UGT2A2: variants seen among roughly 807,000 people sequenced by gnomAD.
UGT2A2 encodes UDP glucuronosyltransferase family 2 member A2, also known as UDP-glucuronosyltransferase 2A2.
A neutral mutation model predicts 50.7 loss-of-function variants in UGT2A2; 60 were observed. That is an observed-to-expected ratio of 1.18 (90% CI 0.96 to 1.47). UGT2A2 has a LOEUF of 1.47. UGT2A2 is among the 40% of genes most tolerant of loss of function. UGT2A2 has a pLI of 0.00. For synonymous variants in UGT2A2, 242 were observed against 214.6 expected (o/e 1.13, Z -1.11); for missense variants, 762 against 634.0 (o/e 1.20, Z -2.17).
At chr4:69,618,514 T>G (rs1391509918) in intron 1 of UGT2A2, among the ~76,000 whole-genome samples, 3 of 151,928 alleles carry the variant, frequency 2.0e-5, no homozygotes, top group African/African-American at 7.2e-5. Flanking sequence ...AAAATAAATT[T>G]ATTTTAACCA....
rs71599913 is a variant in UGT2A2, at chr4:69,595,617, A to G, written c.1024-368T>C. ...ATACATAAATATAAAGAGTCCTAGG[A>G]TGTGTCATGAATAGAAGTATAAAAA... On this transcript the variant is annotated intron_variant, in intron 3 of 5. Coordinates refer to ENST00000604629, the MANE Select transcript of UGT2A2 (RefSeq NM_001105677.2). Among the ~76,000 whole-genome samples the G allele has an allele frequency of 6.6e-3, 1,009 of 152,272 alleles. 7 individuals carry two copies. Among genetic ancestry groups the G allele is most frequent in the Non-Finnish European group, 7.8e-3 (532 of 67,992 alleles).
At chr4:69,619,058 AATTT>A (rs932873724) in intron 1 of UGT2A2, among the ~76,000 whole-genome samples, 22 of 151,888 alleles carry the variant, frequency 1.4e-4, no homozygotes, top group African/African-American at 4.8e-4. Flanking sequence ...TAAATGTAGG[AATTT>A]ATTTATATCA....
rs1249036235 is a variant in UGT2A2 at position 69,594,512 on chromosome 4, C to A, written c.1296G>T (p.Leu432Phe). 1 of 1,614,124 alleles carries A rather than the reference C, an allele frequency of 6.2e-7. No individual in the cohort carries two copies. Among genetic ancestry groups the A allele is most frequent in the Non-Finnish European group, 8.5e-7 (1 of 1,180,014 alleles). The change falls in exon 5 of 6, where the codon TTG becomes TTT. Residue 432 changes from leucine to phenylalanine, a missense_variant. Coordinates refer to ENST00000604629, the MANE Select transcript of UGT2A2 (RefSeq NM_001105677.2). ...TAATGACTGTTCTCAAAGCGCTAAG[C>A]AAATCCACACTTGTCATTGTGTTTA... ...VNLNTMTSVD[L>F]LSALRTVINE...
At chr4:69,606,154 C>T (rs1448871526) in intron 1 of UGT2A2, among the ~76,000 whole-genome samples, 1 of 136,370 alleles carries the variant, frequency 7.3e-6, no homozygotes, top group Non-Finnish European at 1.6e-5. Context: ...CCCTGATGAA[C>T]ATCGAGGCAA....
intron 1 of UGT2A2, among the ~76,000 whole-genome samples, chr4:69,617,411 A>G (rs1720465455): frequency 6.6e-6 from 1 of 151,936 alleles, no homozygotes; most frequent in Admixed American, 6.6e-5. Context: ...ATACAAAGAT[A>G]TAATATATAT....
intron 1 of UGT2A2, among the ~76,000 whole-genome samples, chr4:69,602,899 C>G (rs1390712111): frequency 7.4e-6 from 1 of 134,336 alleles, no homozygotes; most frequent in Non-Finnish European, 1.6e-5. Flanking sequence ...AACCCCGTCT[C>G]TACTAAAAAT....
intron 1 of UGT2A2, among the ~76,000 whole-genome samples, chr4:69,609,234 C>T (rs922139038): frequency 2.1e-4 from 32 of 151,652 alleles, no homozygotes; most frequent in African/African-American, 7.5e-4. Flanking sequence ...CTCACTGCAG[C>T]CTTGACCTTA....
At chr4:69,619,591 G>C (rs1720620235) in intron 1 of UGT2A2, among the ~76,000 whole-genome samples, 1 of 151,770 alleles carries the variant, frequency 6.6e-6, no homozygotes, top group South Asian at 2.1e-4. Context: ...TCTTTTTCAG[G>C]TGAATTATTC....
intron 1 of UGT2A2, among the ~76,000 whole-genome samples, chr4:69,600,022 T>A (rs890055466): frequency 2.6e-5 from 4 of 152,138 alleles, no homozygotes; most frequent in Non-Finnish European, 5.9e-5. Context: ...TGAATTTGTT[T>A]ACAAGAAGCA....
At chr4:69,620,326 C>G (rs1332227679) in intron 1 of UGT2A2, among the ~76,000 whole-genome samples, 1 of 151,914 alleles carries the variant, frequency 6.6e-6, no homozygotes, top group Non-Finnish European at 1.5e-5. Context: ...ACTGCCATTC[C>G]TATACACCAA....
At chr4:69,590,471 A>G (rs1342615166) in intron 5 of UGT2A2, among the ~76,000 whole-genome samples, 1 of 152,150 alleles carries the variant, frequency 6.6e-6, no homozygotes, top group East Asian at 1.9e-4. Flanking sequence ...TCTGGAAGAA[A>G]AGTTCCAGCC....
chr4:69,603,256 C>T (rs1191824469), intron 1 of UGT2A2, among the ~76,000 whole-genome samples: 2 of 134,716 alleles, frequency 1.5e-5, no homozygotes, highest in Non-Finnish European at 3.1e-5. Context: ...ATTATTTTAC[C>T]AGATATCAAG....
intron 1 of UGT2A2, among the ~76,000 whole-genome samples, chr4:69,627,004 C>T (rs28508252): frequency 0.35 from 53,120 of 151,172 alleles, 9,686 homozygotes; most frequent in African/African-American, 0.43. Context: ...CTCCAGTGAA[C>T]GGTATTTTAT....
Position 69,604,530 on chromosome 4 carries a change from A to T in UGT2A2, c.743-5136T>A, listed in dbSNP as rs187517415. ...GCATCAACTAATGAGCAAAATAACT[A>T]GCTAACATCATAATGACAGGATCAA... On this transcript the variant is annotated intron_variant, in intron 1 of 5. Coordinates refer to ENST00000604629, the MANE Select transcript of UGT2A2 (RefSeq NM_001105677.2). Among the ~76,000 whole-genome samples, 2 of 136,824 alleles carry T rather than the reference A, an allele frequency of 1.5e-5. 1 individual carries two copies. Among genetic ancestry groups the T allele is most frequent in the African/African-American group, 5.9e-5 (2 of 33,866 alleles). 89.8% of individuals were successfully genotyped at this position (136,824 alleles called of 152,430 possible).
intron 1 of UGT2A2, among the ~76,000 whole-genome samples, chr4:69,637,997 C>T (rs1339219455): frequency 7.5e-6 from 1 of 132,986 alleles, no homozygotes; most frequent in Non-Finnish European, 1.6e-5. Context: ...GGAAGGCAGG[C>T]AGGAAGGAAG....
At chr4:69,632,057 T>C (rs1368056874) in intron 1 of UGT2A2, among the ~76,000 whole-genome samples, 1 of 152,218 alleles carries the variant, frequency 6.6e-6, no homozygotes, top group Non-Finnish European at 1.5e-5. Flanking sequence ...ACTTATGTGA[T>C]GTATATTAAC....
intron 4 of UGT2A2, 107 bp from the exon 5 acceptor site, chr4:69,594,803 T>C: frequency 2.3e-6 from 3 of 1,325,230 alleles, no homozygotes; most frequent in Middle Eastern, 1.9e-4. Flanking sequence ...TAAAGAAGGA[T>C]ACGTTTTCTA....
chr4:69,606,734 C>T (rs1719648107), intron 1 of UGT2A2, among the ~76,000 whole-genome samples: 1 of 136,802 alleles, frequency 7.3e-6, no homozygotes. Context: ...TCTCAGGATA[C>T]AAAATCAATG....
intron 1 of UGT2A2, among the ~76,000 whole-genome samples, chr4:69,634,620 A>T (rs1435335468): frequency 1.3e-5 from 2 of 152,178 alleles, no homozygotes; most frequent in Non-Finnish European, 2.9e-5. Flanking sequence ...AACAACTGAT[A>T]ATCACTTTAT....
Sources: gnomAD v4.1 joint callset for allele counts (sites outside exome capture counted in the v4.1 genomes callset) on GRCh38, gnomAD v4.1.1 for gene constraint, MANE v1.5 for transcripts, NCBI Gene and HGNC (gene_info 2026-07-23, HGNC 2026-07-21) for gene names.